Variants in RUNX2 observed in about 807,000 individuals in gnomAD.
RUNX2 encodes runt-related transcription factor 2.
A neutral mutation model predicts 51.7 loss-of-function variants in RUNX2; 10 were observed. That is an observed-to-expected ratio of 0.19 (90% CI 0.12 to 0.33). The LOEUF (loss-of-function observed/expected upper bound fraction) is 0.33. RUNX2 is among the 10% of genes least tolerant of loss of function. RUNX2 has a pLI of 1.00. For synonymous variants in RUNX2, 276 were observed against 273.6 expected (o/e 1.01, Z -0.09); for missense variants, 562 against 691.3 (o/e 0.81, Z 2.10).
At chr6:45,342,315 G>A (rs886923026) in intron 2 of RUNX2, among the ~76,000 whole-genome samples, 37 of 152,012 alleles carry the variant, frequency 2.4e-4, no homozygotes, top group Admixed American at 1.7e-3. Context: ...AGGCTGGAGT[G>A]CAGTGGCACA....
intron 5 of RUNX2, among the ~76,000 whole-genome samples, chr6:45,483,529 G>A (rs1800175462): frequency 6.6e-6 from 1 of 152,200 alleles, no homozygotes; most frequent in African/African-American, 2.4e-5. Context: ...TCTCAGTCAA[G>A]TCTAGGAAAA....
chr6:45,392,688 C>T (rs1193990421), intron 2 of RUNX2, among the ~76,000 whole-genome samples: 1 of 143,236 alleles, frequency 7.0e-6, no homozygotes, highest in East Asian at 2.0e-4. Flanking sequence ...TGGAAATTAC[C>T]TAGAAAATGC....
Position 45,548,390 on chromosome 6 carries a change from A to G in RUNX2, c.*1085A>G, listed in dbSNP as rs1464288967. ...CAATGTGATTTTAAAAAATACTTCCATCTCCAAATATTTTAGATATAGATT... is the reference window on the plus strand; with the variant it reads ...CAATGTGATTTTAAAAAATACTTCCGTCTCCAAATATTTTAGATATAGATT... On this transcript the variant is annotated 3_prime_UTR_variant, in exon 9 of 9. Transcript: ENST00000647337. 1.3e-5 allele frequency: 2 copies of G among 152,612 alleles called. No individual in the cohort carries two copies. Among genetic ancestry groups the G allele is most frequent in the African/African-American group, 2.4e-5 (1 of 41,438 alleles). The allele number at this position is 152,612 out of a possible 1,614,324, so 9.5% of individuals were successfully genotyped here. A position where few individuals can be genotyped will look rare whatever the true frequency, so the allele number is the denominator to read the frequency against.
intron 2 of RUNX2, among the ~76,000 whole-genome samples, chr6:45,345,692 A>C (rs1242876770): frequency 6.6e-6 from 1 of 152,200 alleles, no homozygotes; most frequent in Non-Finnish European, 1.5e-5. Context: ...AGGTCTTTCC[A>C]CAGCCAACTC....
chr6:45,383,454 G>A (rs1289825792), intron 2 of RUNX2, among the ~76,000 whole-genome samples: 6 of 151,938 alleles, frequency 3.9e-5, no homozygotes, highest in Non-Finnish European at 7.4e-5. Context: ...AAATAAATAA[G>A]TTCTTAAGGA....
chr6:45,453,340 G>A (rs940909301), intron 5 of RUNX2, among the ~76,000 whole-genome samples: 2 of 152,140 alleles, frequency 1.3e-5, no homozygotes, highest in Non-Finnish European at 2.9e-5. Context: ...CTATAGGAAA[G>A]GTCTCTTCAT....
intron 2 of RUNX2, among the ~76,000 whole-genome samples, chr6:45,351,821 C>T (rs1431328016): frequency 6.6e-6 from 1 of 152,244 alleles, no homozygotes; most frequent in East Asian, 1.9e-4. Context: ...AATTATCTTT[C>T]TTTCCCAGCC....
At chr6:45,380,758 A>G (rs1797222888) in intron 2 of RUNX2, among the ~76,000 whole-genome samples, 1 of 151,962 alleles carries the variant, frequency 6.6e-6, no homozygotes, top group African/African-American at 2.4e-5. Flanking sequence ...TGTATTTTTA[A>G]TAGAGACGGG....
chr6:45,476,429 C>A (rs1429428770), intron 5 of RUNX2, among the ~76,000 whole-genome samples: 1 of 152,136 alleles, frequency 6.6e-6, no homozygotes, highest in Admixed American at 6.5e-5. Context: ...TGATTTCCCT[C>A]ATCTTTGATG....
At chr6:45,430,093 CAAA>C (rs11367524) in intron 3 of RUNX2, among the ~76,000 whole-genome samples, 10 of 140,738 alleles carry the variant, frequency 7.1e-5, no homozygotes, top group African/African-American at 2.4e-4. Flanking sequence ...GACTCCATCT[CAAA>C]AAAAAAAAAA....
chr6:45,456,585 AAGAAT>A (rs1368983966), intron 5 of RUNX2, among the ~76,000 whole-genome samples: 1 of 152,130 alleles, frequency 6.6e-6, no homozygotes, highest in Non-Finnish European at 1.5e-5. Flanking sequence ...CTAATCGAAT[AAGAAT>A]ATGCTATGTT....
chr6:45,483,619 T>G (rs1003072024), intron 5 of RUNX2, among the ~76,000 whole-genome samples: 2 of 152,234 alleles, frequency 1.3e-5, no homozygotes, highest in Non-Finnish European at 2.9e-5. Flanking sequence ...GGATGCCTAC[T>G]GCACATAAGC....
At chr6:45,371,537 C>T (rs1208303936) in intron 2 of RUNX2, among the ~76,000 whole-genome samples, 1 of 151,994 alleles carries the variant, frequency 6.6e-6, no homozygotes, top group Non-Finnish European at 1.5e-5. Flanking sequence ...ATATTCAGGC[C>T]ATTTAGATAT....
intron 2 of RUNX2, among the ~76,000 whole-genome samples, chr6:45,400,340 C>T (rs946662085): frequency 8.5e-5 from 13 of 152,120 alleles, no homozygotes; most frequent in Admixed American, 6.5e-5. Context: ...ATGACAAGTT[C>T]GGGTTTTCTT....
intron 2 of RUNX2, among the ~76,000 whole-genome samples, chr6:45,363,148 C>T (rs1461635840): frequency 1.3e-5 from 2 of 151,934 alleles, no homozygotes; most frequent in Non-Finnish European, 2.9e-5. Context: ...TAGTCTCTGT[C>T]GCAAATACTC....
At chr6:45,416,561 A>C (rs781090699) in intron 2 of RUNX2, among the ~76,000 whole-genome samples, 3 of 152,228 alleles carry the variant, frequency 2.0e-5, no homozygotes, top group Admixed American at 6.5e-5. Context: ...GTAAACTTTT[A>C]TATATAACAT....
intron 2 of RUNX2, among the ~76,000 whole-genome samples, chr6:45,360,402 C>T (rs1185332315): frequency 1.3e-5 from 2 of 152,148 alleles, no homozygotes; most frequent in Admixed American, 6.5e-5. Flanking sequence ...ACAGTATGTT[C>T]GTACTTTTTA....
At chr6:45,350,107 A>G (rs983045431) in intron 2 of RUNX2, among the ~76,000 whole-genome samples, 2 of 152,220 alleles carry the variant, frequency 1.3e-5, no homozygotes, top group African/African-American at 2.4e-5. Flanking sequence ...AGTTTACTAC[A>G]AAAACAAAAG....
chr6:45,430,585 C>T (rs572020037), intron 3 of RUNX2, among the ~76,000 whole-genome samples: 80 of 152,172 alleles, frequency 5.3e-4, no homozygotes, highest in African/African-American at 1.8e-3. Flanking sequence ...TGTATTATCA[C>T]ACTGTTAAGA....
Sources: allele counts gnomAD v4.1 joint callset (sites outside exome capture counted in the v4.1 genomes callset), GRCh38; gene constraint gnomAD v4.1.1; transcripts MANE v1.5; gene names NCBI Gene and HGNC (gene_info 2026-07-23, HGNC 2026-07-21).